TGM4: variants seen among roughly 807,000 people sequenced by gnomAD.
The protein encoded by TGM4 is transglutaminase 4, also known as protein-glutamine gamma-glutamyltransferase 4.
Under a neutral mutation model 76.3 loss-of-function variants are expected in TGM4, and 61 were observed. The ratio of observed to expected loss-of-function variants is 0.80; its 90% CI spans 0.65 to 0.99. The LOEUF (loss-of-function observed/expected upper bound fraction) is 0.99. Ranked by LOEUF, TGM4 falls within the 50% of genes least tolerant of loss-of-function variation. The pLI is 0.00. For missense variants in TGM4, 794 were observed against 843.2 expected (o/e 0.94, Z 0.72); for synonymous variants, 337 against 329.8 (o/e 1.02, Z -0.24).
At chr3:44,877,182 C>T (rs1699461586) in intron 1 of TGM4, among the ~76,000 whole-genome samples, 2 of 152,110 alleles carry the variant, frequency 1.3e-5, no homozygotes, top group South Asian at 4.1e-4. Context: ...CAAGGTGGCT[C>T]ATGCCTGTAA....
intron 1 of TGM4, among the ~76,000 whole-genome samples, chr3:44,878,449 TTTATTATTATTATTATTA>T (rs199498412): frequency 2.6e-5 from 2 of 75,474 alleles, no homozygotes; most frequent in Non-Finnish European, 5.2e-5. Flanking sequence ...TTACTTTTGT[TTTATTATTATTATTATTA>T]TTATTATTAT....
At chr3:44,898,280 CAAAA>C (rs35054781) in intron 6 of TGM4, among the ~76,000 whole-genome samples, 6 of 98,816 alleles carry the variant, frequency 6.1e-5, no homozygotes, top group African/African-American at 1.1e-4. Context: ...GACTCTGTCT[CAAAA>C]AAAAAAAAAA....
intron 9 of TGM4, among the ~76,000 whole-genome samples, chr3:44,905,524 C>T (rs903877247): frequency 6.6e-6 from 1 of 152,174 alleles, no homozygotes; most frequent in Non-Finnish European, 1.5e-5. Context: ...ATTCATCTGC[C>T]CACAGGGCCA....
intron 5 of TGM4, among the ~76,000 whole-genome samples, chr3:44,896,346 G>A (rs1176698220): frequency 6.6e-6 from 1 of 152,176 alleles, no homozygotes; most frequent in Non-Finnish European, 1.5e-5. Flanking sequence ...TCCGACCTCA[G>A]GTGATCCACC....
Position 44,890,527 on chromosome 3 carries a change from T to C in TGM4, c.301-76T>C, listed in dbSNP as rs1699677150. 1.9e-6 allele frequency: 3 copies of C among 1,569,278 alleles called. No individual in the cohort carries two copies. In the South Asian group the frequency reaches 3.6e-5, roughly 19 times the overall value. Reference sequence around the variant, plus strand: ...GGATGAGTTGTTAGGACTGACGGATTCTTCTGGGAAGCATTTGTAAGATTT... The same window carrying C: ...GGATGAGTTGTTAGGACTGACGGATCCTTCTGGGAAGCATTTGTAAGATTT... On this transcript the variant is annotated intron_variant, in intron 3 of 13. Coordinates refer to ENST00000296125, the MANE Select transcript of TGM4 (RefSeq NM_003241.4).
chr3:44,896,887 C>A, intron 6 of TGM4, 71 bp downstream of exon 6: 1 of 1,313,988 alleles, frequency 7.6e-7, no homozygotes, highest in Non-Finnish European at 1.1e-6. Context: ...TGTTTTTCCT[C>A]ATCTAAACTG....
intron 3 of TGM4, 152 bp downstream of exon 3, chr3:44,887,947 A>G: frequency 5.9e-6 from 4 of 681,032 alleles, no homozygotes; most frequent in South Asian, 1.8e-5. Context: ...ATGGCTCCAA[A>G]TGTCTGTTTC....
At chr3:44,888,015 C>G (rs1307139374) in intron 3 of TGM4, 1 of 542,658 alleles carries the variant, frequency 1.8e-6, no homozygotes, top group African/African-American at 1.9e-5. Flanking sequence ...CTACATGTCA[C>G]CCTTCCCCTT....
chr3:44,897,789 C>T lies in TGM4; in HGVS notation c.657+973C>T, dbSNP rs545785695. On this transcript the variant is annotated intron_variant, in intron 6 of 13. Transcript: ENST00000296125. ...TTCCATTACATGTTAACATAAATAACGTATTTTTATTTTTAAAAACCTATG... is the reference window on the plus strand; with the variant it reads ...TTCCATTACATGTTAACATAAATAATGTATTTTTATTTTTAAAAACCTATG... Among the ~76,000 whole-genome samples the T allele has an allele frequency of 3.9e-5, 6 of 152,192 alleles. No homozygotes were observed. In the South Asian group the frequency reaches 1.0e-3, roughly 26 times the overall value.
intron 13 of TGM4, 94 bp downstream of exon 13, chr3:44,911,500 G>T: frequency 1.4e-6 from 2 of 1,428,924 alleles, no homozygotes; most frequent in Non-Finnish European, 9.5e-7. Context: ...CCAGTATGGG[G>T]TCACAGGGTC....
chr3:44,879,603 G>T (rs1302112035), intron 1 of TGM4, among the ~76,000 whole-genome samples: 2 of 151,472 alleles, frequency 1.3e-5, no homozygotes, highest in Non-Finnish European at 2.9e-5. Flanking sequence ...CTCCCAAGTA[G>T]CTGGGACTAC....
intron 4 of TGM4, among the ~76,000 whole-genome samples, chr3:44,892,168 G>A (rs1379025744): frequency 6.6e-6 from 1 of 151,520 alleles, no homozygotes; most frequent in Admixed American, 6.6e-5. Flanking sequence ...TGAGGCAGGA[G>A]AATCGCTTGA....
At chr3:44,910,907 C>A in intron 11 of TGM4, 51 bp from the exon 12 acceptor site, 1 of 1,582,780 alleles carries the variant, frequency 6.3e-7, no homozygotes, top group South Asian at 1.1e-5. Flanking sequence ...AGAACTCATA[C>A]TGGGGGGGTA....
rs371566923 is a variant in TGM4 at position 44,878,276 on chromosome 3, G to A, written c.19+3579G>A. Reference sequence around the variant, plus strand: ...AGAGAGAGAGAGAGAGAAGCAAGGCGCAGAATAGTGTATTGAGAAAGCTCC... The same window carrying A: ...AGAGAGAGAGAGAGAGAAGCAAGGCACAGAATAGTGTATTGAGAAAGCTCC... On this transcript the variant is annotated intron_variant, in intron 1 of 13. Coordinates refer to ENST00000296125, the MANE Select transcript of TGM4 (RefSeq NM_003241.4). Among the ~76,000 whole-genome samples, 193 of 151,992 alleles carry A rather than the reference G, an allele frequency of 1.3e-3. 1 individual carries two copies. Among genetic ancestry groups the A allele is most frequent in the African/African-American group, 4.4e-3 (184 of 41,490 alleles).
At chr3:44,896,610 C>A in intron 5 of TGM4, 99 bp from the exon 6 acceptor site, 1 of 1,076,456 alleles carries the variant, frequency 9.3e-7, no homozygotes, top group Non-Finnish European at 1.4e-6. Context: ...AGATGGGTTA[C>A]GCTACAGGGT....
At chr3:44,904,964 G>A (rs1699903032) in intron 9 of TGM4, among the ~76,000 whole-genome samples, 1 of 151,610 alleles carries the variant, frequency 6.6e-6, no homozygotes, top group Non-Finnish European at 1.5e-5. Flanking sequence ...TTACAGGCAT[G>A]AGCCACTGTG....
Position 44,913,829 on chromosome 3 carries a change from A to C in TGM4, c.*104A>C. 6.8e-7 allele frequency: 1 copy of C among 1,477,774 alleles called. No individual in the cohort carries two copies. The highest frequency in any genetic ancestry group is 9.1e-7 in the Non-Finnish European group (1 of 1,103,696). 91.5% of individuals were successfully genotyped at this position (1,477,774 alleles called of 1,614,324 possible). On this transcript the variant is annotated 3_prime_UTR_variant, in exon 14 of 14. Transcript: ENST00000296125. ...TAAATTTGATGACTTATATGAGGGC[A>C]GATTCAAGAGCCAGCAGGTCAAAAA...
rs1699996128 is a variant in TGM4 at position 44,910,957 on chromosome 3, G to A, written c.1607-1G>A. ...TCCCCTCCACCCTGACTCTTTGGCA[G>A]TATCAGAAGTGACTCTGACCTTGGA... On this transcript the variant is annotated splice_acceptor_variant, in intron 11 of 13. Coordinates refer to ENST00000296125, the MANE Select transcript of TGM4 (RefSeq NM_003241.4). LOFTEE classifies it high-confidence loss of function. 6.2e-7 allele frequency: 1 copy of A among 1,613,652 alleles called. No homozygotes were observed. The highest frequency in any genetic ancestry group is 1.7e-5 in the Admixed American group (1 of 60,000).
chr3:44,902,684 G>C (rs1699871432), intron 8 of TGM4, among the ~76,000 whole-genome samples: 1 of 152,216 alleles, frequency 6.6e-6, no homozygotes, highest in Non-Finnish European at 1.5e-5. Context: ...GAAGGGCCAG[G>C]AGTCTGAAGT....
Sources: gnomAD v4.1 joint callset for allele counts (sites outside exome capture counted in the v4.1 genomes callset) on GRCh38, gnomAD v4.1.1 for gene constraint, MANE v1.5 for transcripts, NCBI Gene and HGNC (gene_info 2026-07-23, HGNC 2026-07-21) for gene names.